DSN1: variants seen among roughly 807,000 people sequenced by gnomAD.
DSN1 encodes kinetochore-associated protein DSN1 homolog.
In DSN1, 31 loss-of-function variants were observed where a neutral mutation model predicts 45.7. The ratio of observed to expected loss-of-function variants is 0.68; its 90% CI spans 0.51 to 0.92. DSN1 has a LOEUF of 0.92. Among genes scored for constraint, DSN1 ranks in the 40% least tolerant of loss-of-function variants. The pLI, the probability that DSN1 is intolerant of heterozygous loss-of-function variation, is 0.00. For missense variants in DSN1, 394 were observed against 414.2 expected (o/e 0.95, Z 0.42); for synonymous variants, 134 against 142.3 (o/e 0.94, Z 0.41).
intron 5 of DSN1, among the ~76,000 whole-genome samples, chr20:36,763,918 C>A (rs140194897): frequency 0.038 from 3,841 of 100,624 alleles, 169 homozygotes; most frequent in African/African-American, 0.091. Context: ...AAAAGAAAGA[C>A]AGAAAACCAA....
intron 10 of DSN1, 111 bp from the exon 11 acceptor site, chr20:36,753,008 A>C: frequency 2.4e-6 from 2 of 830,130 alleles, no homozygotes; most frequent in Non-Finnish European, 2.0e-6. Context: ...ACAAAGACAA[A>C]TAAGAGAGTC....
At chr20:36,760,114 C>T (rs989411131) in intron 6 of DSN1, among the ~76,000 whole-genome samples, 2 of 151,798 alleles carry the variant, frequency 1.3e-5, no homozygotes, top group African/African-American at 4.8e-5. Context: ...CATGGTGGCA[C>T]ACACCTGTAA....
chr20:36,752,687 T>C lies in DSN1; in HGVS notation c.*101A>G, dbSNP rs1302875883. ...GTTCTACAGTCAGTCCTGCCAGTTA[T>C]CTTCAAAGGCAACGAGCAGAAATCA... is the stretch of plus-strand genomic sequence containing the variant. On this transcript the variant is annotated 3_prime_UTR_variant, in exon 11 of 11. Transcript: ENST00000373750. 1.4e-5 allele frequency: 13 copies of C among 924,614 alleles called. No homozygotes were observed. The highest frequency in any genetic ancestry group is 2.3e-5 in the Non-Finnish European group (13 of 574,238). The allele number at this position is 924,614 out of a possible 1,614,324, so 57.3% of individuals were successfully genotyped here.
At chr20:36,766,545 C>T in intron 5 of DSN1, among the ~76,000 whole-genome samples, 1 of 152,018 alleles carries the variant, frequency 6.6e-6, no homozygotes, top group East Asian at 1.9e-4. Context: ...CTCCCAGCTA[C>T]TCGGGGGGCT....
Position 36,770,910 on chromosome 20 carries a change from C to G in DSN1, c.318G>C (p.Arg106=). 1 of 1,613,618 alleles carries G rather than the reference C, an allele frequency of 6.2e-7. No homozygotes were observed. Among genetic ancestry groups the G allele is most frequent in the Non-Finnish European group, 8.5e-7 (1 of 1,179,986 alleles). Reference sequence around the variant, plus strand: ...GGTGAATGGGATGCAGCGACTTCCGCCGGTTCGTTTCTTTCATACTTGCTC... The same window carrying G: ...GGTGAATGGGATGCAGCGACTTCCGGCGGTTCGTTTCTTTCATACTTGCTC... ...WRRASMKETN[R]RKSLHPIHQG... is the part of the protein sequence containing the mutation. The change falls in exon 3 of 11, where the codon CGG becomes CGC. Residue 106 remains arginine (R), a synonymous_variant. Transcript: ENST00000373750.
At chr20:36,767,699 C>T (rs1182149500) in intron 4 of DSN1, among the ~76,000 whole-genome samples, 3 of 152,010 alleles carry the variant, frequency 2.0e-5, no homozygotes, top group East Asian at 3.9e-4. Context: ...GTCAGGAGAT[C>T]GAGACAATTC....
rs553637542 is a variant in DSN1 at position 36,761,937 on chromosome 20, A to T, written c.590+524T>A. On this transcript the variant is annotated intron_variant, in intron 6 of 10. Coordinates refer to ENST00000373750, the MANE Select transcript of DSN1 (RefSeq NM_001145315.2). ...GGCAGGAGACTGGTTTGAACCCGGG[A>T]GATGGAGGTTGCAGTAAGCCAAGAT... is the stretch of plus-strand genomic sequence containing the variant. Among the ~76,000 whole-genome samples, 38 of 151,736 alleles carry T rather than the reference A, an allele frequency of 2.5e-4. No individual in the cohort carries two copies. In the South Asian group the frequency reaches 5.0e-3, roughly 20 times the overall value.
chr20:36,761,689 C>A (rs1986989454), intron 6 of DSN1, among the ~76,000 whole-genome samples: 1 of 151,728 alleles, frequency 6.6e-6, no homozygotes, highest in African/African-American at 2.4e-5. Flanking sequence ...GGTGAAACTT[C>A]ATCTCTAGAA....
chr20:36,767,180 G>GCA (rs1987388611), intron 4 of DSN1, among the ~76,000 whole-genome samples: 2 of 151,876 alleles, frequency 1.3e-5, no homozygotes. Flanking sequence ...GGTGGCGCGT[G>GCA]CCTGTAGTCC....
At position 36,752,736 on chromosome 20, in the gene DSN1, C is replaced by G. The variant is rs1480870956; in HGVS notation, c.*52G>C. The G allele has an allele frequency of 3.4e-6, 5 of 1,482,582 alleles. No individual in the cohort carries two copies. The highest frequency in any genetic ancestry group is 4.7e-6 in the Non-Finnish European group (5 of 1,061,396). 91.8% of individuals were successfully genotyped at this position (1,482,582 alleles called of 1,614,324 possible). Reference sequence around the variant, plus strand: ...CACGCAGTCACCACGTGCTGGGGCACTCTTCCCATTCCTCTCCTCTTGGGC... The same window carrying G: ...CACGCAGTCACCACGTGCTGGGGCAGTCTTCCCATTCCTCTCCTCTTGGGC... On this transcript the variant is annotated 3_prime_UTR_variant, in exon 11 of 11. Coordinates refer to ENST00000373750, the MANE Select transcript of DSN1 (RefSeq NM_001145315.2).
At chr20:36,773,308 G>A (rs1601031724) in intron 1 of DSN1, 1 of 914,388 alleles carries the variant, frequency 1.1e-6, no homozygotes, top group Non-Finnish European at 1.3e-6. Flanking sequence ...GGTTCAGAGG[G>A]GCAAAAAGCC....
At chr20:36,757,395 A>G (rs1398544581) in intron 8 of DSN1, among the ~76,000 whole-genome samples, 1 of 152,044 alleles carries the variant, frequency 6.6e-6, no homozygotes, top group East Asian at 1.9e-4. Flanking sequence ...CCTGGCCAAC[A>G]TGGTGAAATC....
At position 36,773,727 on chromosome 20, in the gene DSN1, G is replaced by T; in HGVS notation, c.-81C>A. 5 of 985,542 alleles carry T rather than the reference G, an allele frequency of 5.1e-6. No individual in the cohort carries two copies. The highest frequency in any genetic ancestry group is 4.8e-6 in the Non-Finnish European group (4 of 829,996). The allele number at this position is 985,542 out of a possible 1,614,324, so 61.0% of individuals were successfully genotyped here. On this transcript the variant is annotated 5_prime_UTR_variant, in exon 1 of 11. Transcript: ENST00000373750. Reference sequence around the variant, plus strand: ...TCACTCCTGGACGCCTTGCGCACCCGCAGCCGATACTCCCTGATCAGGGTG... The same window carrying T: ...TCACTCCTGGACGCCTTGCGCACCCTCAGCCGATACTCCCTGATCAGGGTG...
intron 4 of DSN1, 105 bp downstream of exon 4, chr20:36,767,864 T>C (rs1601023170): frequency 8.8e-7 from 1 of 1,138,676 alleles, no homozygotes. Flanking sequence ...ATCATACCAC[T>C]GCACTCCAGC....
At chr20:36,761,883 C>G (rs1371822558) in intron 6 of DSN1, among the ~76,000 whole-genome samples, 1 of 151,368 alleles carries the variant, frequency 6.6e-6, no homozygotes, top group Non-Finnish European at 1.5e-5. Flanking sequence ...GTGGCGCATG[C>G]CTGTAGTCCC....
At chr20:36,771,333 T>C in intron 2 of DSN1, 92 bp downstream of exon 2, 1 of 1,509,992 alleles carries the variant, frequency 6.6e-7, no homozygotes. Flanking sequence ...GAGTATGTGA[T>C]TCCAAATCTA....
rs939376567 is a variant in DSN1, at chr20:36,754,925, T to C, written c.874-75A>G. The C allele has an allele frequency of 1.5e-5, 20 of 1,304,772 alleles. No individual in the cohort carries two copies. In the Admixed American group the frequency reaches 2.4e-4, roughly 15 times the overall value. 80.8% of individuals were successfully genotyped at this position (1,304,772 alleles called of 1,614,324 possible). A position where few individuals can be genotyped will look rare whatever the true frequency, so the allele number is the denominator to read the frequency against. Reference sequence around the variant, plus strand: ...TGTTCCTCAAACCTGACAAGCAAGCTCTTGCTCAGGAGCTCTGGGCTTGCT... The same window carrying C: ...TGTTCCTCAAACCTGACAAGCAAGCCCTTGCTCAGGAGCTCTGGGCTTGCT... On this transcript the variant is annotated intron_variant, in intron 9 of 10. Transcript: ENST00000373750.
chr20:36,771,692 CCCTA>C (rs2148287703), intron 1 of DSN1, among the ~76,000 whole-genome samples: 1 of 152,334 alleles, frequency 6.6e-6, no homozygotes, highest in Non-Finnish European at 1.5e-5. Flanking sequence ...TGAACACATA[CCCTA>C]CCTTACTTCC....
rs369496419 is a variant in DSN1, at chr20:36,753,506, C to T, written c.962-609G>A. On this transcript the variant is annotated intron_variant, in intron 10 of 10. Coordinates refer to ENST00000373750, the MANE Select transcript of DSN1 (RefSeq NM_001145315.2). ...TACAAAAATTAGCCAGGCATGGTGG[C>T]ACATGCCTGTAATCCCAGCTACTCA... Among the ~76,000 whole-genome samples, 6 of 150,640 alleles carry T rather than the reference C, an allele frequency of 4.0e-5. No individual in the cohort carries two copies. The South Asian group carries it at 1.3e-3, about 32-fold the overall frequency.
Sources: allele counts gnomAD v4.1 joint callset (sites outside exome capture counted in the v4.1 genomes callset), GRCh38; gene constraint gnomAD v4.1.1; transcripts MANE v1.5; gene names NCBI Gene and HGNC (gene_info 2026-07-23, HGNC 2026-07-21).